LIPI: variants seen among roughly 807,000 people sequenced by gnomAD.
LIPI encodes lipase I, also known as lipase member I.
In LIPI, 59 loss-of-function variants were observed where a neutral mutation model predicts 50.6. The ratio of observed to expected loss-of-function variants is 1.16; its 90% confidence interval spans 0.94 to 1.45. LIPI has a LOEUF of 1.45. LIPI is among the 40% of genes most tolerant of loss of function. The probability of loss-of-function intolerance (pLI) is 0.00; values close to 1 mark genes in which losing one functional copy is unlikely to be tolerated. For missense variants in LIPI, 586 were observed against 536.3 expected (o/e 1.09, Z -0.92); for synonymous variants, 203 against 178.2 (o/e 1.14, Z -1.11).
intron 9 of LIPI, among the ~76,000 whole-genome samples, chr21:14,116,200 G>C (rs1178311285): frequency 1.3e-5 from 2 of 152,134 alleles, no homozygotes; most frequent in East Asian, 3.9e-4. Flanking sequence ...GGAGGTGTGT[G>C]ACAGTGTGTG....
Position 14,163,482 on chromosome 21 carries a change from T to G in LIPI, c.943A>C (p.Met315Leu). The G allele has an allele frequency of 3.8e-6, 6 of 1,591,760 alleles. No homozygotes were observed. Among genetic ancestry groups the G allele is most frequent in the Non-Finnish European group, 4.3e-6 (5 of 1,159,932 alleles). Reference sequence around the variant, plus strand: ...GTGGTCCTAAGAGGTCTTCCTTCCATCCTTTCTTTTAAAACACCTTTAAAT... The same window carrying G: ...GTGGTCCTAAGAGGTCTTCCTTCCAGCCTTTCTTTTAAAACACCTTTAAAT... ...KLFKGVLKER[M>L]EGRPLRTTVF... The change falls in exon 7 of 10, where the codon ATG (methionine) becomes CTG (leucine). Residue 315 changes from methionine (M) to leucine (L), a missense_variant. Transcript: ENST00000681601.
At chr21:14,123,716 G>A (rs1014991599) in intron 9 of LIPI, among the ~76,000 whole-genome samples, 7 of 152,082 alleles carry the variant, frequency 4.6e-5, no homozygotes, top group East Asian at 1.9e-4. Context: ...TGAGTCTACC[G>A]CACCCCTATT....
At chr21:14,142,797 A>G (rs1022754261) in intron 9 of LIPI, among the ~76,000 whole-genome samples, 1 of 151,760 alleles carries the variant, frequency 6.6e-6, no homozygotes, top group Non-Finnish European at 1.5e-5. Context: ...TTGTATACTT[A>G]TAATTTAGAT....
chr21:14,132,146 T>A (rs1316966220), intron 9 of LIPI, among the ~76,000 whole-genome samples: 1 of 152,170 alleles, frequency 6.6e-6, no homozygotes, highest in Non-Finnish European at 1.5e-5. Flanking sequence ...GAAAAACTAC[T>A]TAAGGAAAGT....
At chr21:14,167,923 C>T (rs576721772) in intron 4 of LIPI, among the ~76,000 whole-genome samples, 39 of 152,080 alleles carry the variant, frequency 2.6e-4, no homozygotes, top group East Asian at 9.7e-4. Context: ...CTCCGAACTA[C>T]GGGAGGACAT....
Position 14,189,110 on chromosome 21 carries a change from G to C in LIPI, c.356C>G (p.Thr119Ser). 1 of 1,613,150 alleles carries C rather than the reference G, an allele frequency of 6.2e-7. No homozygotes were observed. Residue 119 changes from threonine to serine, a missense_variant, in exon 2 of 10, where the codon ACT (threonine) becomes AGT (serine). Transcript: ENST00000681601. ...IVVDWSRGAT[T>S]FIYNRAVKNT... is the part of the protein sequence containing the mutation. ...TTTAACTGCTCTATTATAAATAAAA[G>C]TTGTAGCACCCCGGCTCCAGTCTAC...
At chr21:14,210,543 T>TA (rs2020335692) in intron 1 of LIPI, among the ~76,000 whole-genome samples, 2 of 152,056 alleles carry the variant, frequency 1.3e-5, no homozygotes, top group South Asian at 2.1e-4. Context: ...ACATCTTTTT[T>TA]TAAAAAAAGG....
chr21:14,117,673 C>G (rs2016703899), intron 9 of LIPI, among the ~76,000 whole-genome samples: 1 of 152,134 alleles, frequency 6.6e-6, no homozygotes, highest in Admixed American at 6.5e-5. Context: ...ACTCTACACA[C>G]CTTTTGACCC....
chr21:14,132,434 C>A (rs8131672), intron 9 of LIPI, among the ~76,000 whole-genome samples: 3,766 of 152,112 alleles, frequency 0.025, 133 homozygotes, highest in African/African-American at 0.079. Context: ...CACACACACA[C>A]AAAAAAGTTT....
At chr21:14,164,281 T>G in intron 6 of LIPI, among the ~76,000 whole-genome samples, 1 of 152,110 alleles carries the variant, frequency 6.6e-6, no homozygotes, top group East Asian at 1.9e-4. Context: ...ATATATTCAC[T>G]CTGGGTTACA....
rs367649899 is a variant in LIPI at position 14,118,935 on chromosome 21, G to A, written c.1296-9855C>T. Among the ~76,000 whole-genome samples the A allele has an allele frequency of 7.2e-5, 11 of 152,308 alleles. No individual in the cohort carries two copies. The East Asian group carries it at 1.4e-3, about 19-fold the overall frequency. On this transcript the variant is annotated intron_variant, in intron 9 of 9. Coordinates refer to ENST00000681601, the MANE Select transcript of LIPI (RefSeq NM_001302998.2). The stretch of plus-strand genomic sequence containing the variant: ...CTATTGCTGGTGTTAAAACTTTCTG[G>A]TGACTACTGGCCTATACAAGCCTTA...
chr21:14,138,800 C>T (rs2017600885), intron 9 of LIPI, among the ~76,000 whole-genome samples: 1 of 151,992 alleles, frequency 6.6e-6, no homozygotes, highest in Admixed American at 6.6e-5. Flanking sequence ...TATAGAAATA[C>T]ATACGTGCAT....
At chr21:14,206,726 A>G (rs981810922) in intron 1 of LIPI, 2 of 774,454 alleles carry the variant, frequency 2.6e-6, no homozygotes, top group Non-Finnish European at 4.4e-6. Flanking sequence ...ATATTCAGCT[A>G]TCACTTCATG....
intron 9 of LIPI, among the ~76,000 whole-genome samples, chr21:14,112,305 G>A (rs1212071916): frequency 1.3e-5 from 2 of 151,962 alleles, no homozygotes; most frequent in Non-Finnish European, 2.9e-5. Flanking sequence ...GCTCAAAATT[G>A]CTTTAGCTAT....
chr21:14,173,652 T>A lies in LIPI; in HGVS notation c.644-7201A>T, dbSNP rs114365569. 5.6e-3 allele frequency among the ~76,000 whole-genome samples: 854 copies of A among 152,280 alleles called. 10 individuals carry two copies. The highest frequency in any genetic ancestry group is 0.02 in the African/African-American group (816 of 41,548). ...AGATTTAGCATAAAACAAAGATAAA[T>A]AGATGGTTCTGACAGTAAGGGTTTA... On this transcript the variant is annotated intron_variant, in intron 4 of 9. Transcript: ENST00000681601.
chr21:14,197,016 A>G (rs1248914048), intron 1 of LIPI, among the ~76,000 whole-genome samples: 1 of 147,470 alleles, frequency 6.8e-6, no homozygotes, highest in Non-Finnish European at 1.5e-5. Flanking sequence ...AAACATAAAG[A>G]TAGGACAAAT....
chr21:14,182,882 A>G (rs554140981), intron 3 of LIPI, among the ~76,000 whole-genome samples: 3 of 152,232 alleles, frequency 2.0e-5, no homozygotes, highest in Non-Finnish European at 2.9e-5. Context: ...ATGGGTAGGA[A>G]GAATCAATAT....
chr21:14,181,932 A>G (rs2019286128), intron 3 of LIPI, 73 bp from the exon 4 acceptor site: 2 of 783,388 alleles, frequency 2.6e-6, no homozygotes. Flanking sequence ...TTCCATTATT[A>G]CTGCATTATA....
chr21:14,210,717 A>G, intron 1 of LIPI, 83 bp downstream of exon 1: 2 of 437,992 alleles, frequency 4.6e-6, no homozygotes, highest in Non-Finnish European at 7.0e-6. Context: ...ATTATATCAT[A>G]ACATTCTTTA....
Sources: gnomAD v4.1 joint callset for allele counts (sites outside exome capture counted in the v4.1 genomes callset) on GRCh38, gnomAD v4.1.1 for gene constraint, MANE v1.5 for transcripts, NCBI Gene and HGNC (gene_info 2026-07-23, HGNC 2026-07-21) for gene names.